Variants in NF1 observed in about 807,000 individuals in gnomAD.
NF1 encodes the protein neurofibromin.
NF1 carries 122 observed loss-of-function variants against 325.7 expected under a neutral mutation model. The observed-to-expected ratio is 0.37, with a 90% CI of 0.32 to 0.44. NF1 has a LOEUF of 0.44. Among genes scored for constraint, NF1 ranks in the 20% least tolerant of loss-of-function variants. The pLI is 1.00. For synonymous variants in NF1, 1,091 were observed against 1,186.0 expected (o/e 0.92, Z 1.65); for missense variants, 2,140 against 3,415.4 (o/e 0.63, Z 9.31).
At chr17:31,240,574 C>T (rs996276294) in intron 29 of NF1, among the ~76,000 whole-genome samples, 12 of 152,098 alleles carry the variant, frequency 7.9e-5, no homozygotes, top group African/African-American at 2.7e-4. Flanking sequence ...ATACTGATTT[C>T]CTTTTGTTTC....
At position 31,236,067 on chromosome 17, in the gene NF1, T is replaced by TG. The variant is rs56874702; in HGVS notation, c.3974+46_3974+47insG. ...GAACCGCTGTTTTTTGTTTTTTTTT[T>TG]TTTGTTTGTTTGTTTTACTAACACT... On this transcript the variant is annotated intron_variant, in intron 29 of 57. Transcript: ENST00000358273. The TG allele has an allele frequency of 0.34, 497,090 of 1,463,636 alleles. 95,355 individuals carry two copies. Among genetic ancestry groups the TG allele is most frequent in the African/African-American group, 0.81 (57,134 of 70,884 alleles). 90.7% of individuals were successfully genotyped at this position (1,463,636 alleles called of 1,614,324 possible). A position where few individuals can be genotyped will look rare whatever the true frequency, so the allele number is the denominator to read the frequency against.
chr17:31,198,590 C>A (rs144736825), intron 8 of NF1, among the ~76,000 whole-genome samples: 5 of 151,584 alleles, frequency 3.3e-5, no homozygotes, highest in African/African-American at 1.2e-4. Context: ...TTTGCAAAAT[C>A]AGTAGTGTCA....
intron 36 of NF1, among the ~76,000 whole-genome samples, chr17:31,307,450 G>A (rs9903754): frequency 0.48 from 73,427 of 152,108 alleles, 22,207 homozygotes; most frequent in African/African-American, 0.86. Flanking sequence ...AACTAATTAA[G>A]TTTCCAGCCA....
chr17:31,254,581 A>C (rs1005105355), intron 31 of NF1, among the ~76,000 whole-genome samples: 1 of 151,794 alleles, frequency 6.6e-6, no homozygotes, highest in African/African-American at 2.4e-5. Flanking sequence ...TGCTTCTAAC[A>C]CTCTTGTTCA....
Position 31,350,177 on chromosome 17 carries a change from T to C in NF1, c.7322-6T>C, listed in dbSNP as rs2151574212. ...ATTTTTTAACCTGCCACCGTTTTCC[T>C]TTTAGCTTTACTTACAGTGTCTGAA... On this transcript the variant is annotated splice_polypyrimidine_tract_variant and splice_region_variant and intron_variant, in intron 49 of 57. Coordinates refer to ENST00000358273, the MANE Select transcript of NF1 (RefSeq NM_001042492.3). The C allele has an allele frequency of 6.2e-7, 1 of 1,613,936 alleles. No individual in the cohort carries two copies. The highest frequency in any genetic ancestry group is 8.5e-7 in the Non-Finnish European group (1 of 1,179,842).
chr17:31,343,260 C>G lies in NF1; in HGVS notation c.7189+125C>G, dbSNP rs992121594. The G allele has an allele frequency of 7.4e-6, 7 of 943,314 alleles. No individual in the cohort carries two copies. The Admixed American group carries it at 1.3e-4, about 17-fold the overall frequency. The allele number at this position is 943,314 out of a possible 1,614,324, so 58.4% of individuals were successfully genotyped here. On this transcript the variant is annotated intron_variant, in intron 48 of 57. Transcript: ENST00000358273. ...CCTTATGTCTTACTTTAAATGCAAA[C>G]TAGGCCAGGCGTGGTGGCTCACGTC... is the stretch of plus-strand genomic sequence containing the variant.
chr17:31,101,985 T>A (rs866034409), intron 1 of NF1, among the ~76,000 whole-genome samples: 1 of 152,242 alleles, frequency 6.6e-6, no homozygotes, highest in Non-Finnish European at 1.5e-5. Context: ...ATTGATGGAA[T>A]GTTTTTCATA....
chr17:31,345,853 T>G, intron 48 of NF1: 3 of 1,612,200 alleles, frequency 1.9e-6, no homozygotes, highest in East Asian at 2.2e-5. Context: ...GTGATCAGTT[T>G]GAATATTCCA....
chr17:31,144,566 C>T (rs1916457404), intron 1 of NF1, among the ~76,000 whole-genome samples: 1 of 152,186 alleles, frequency 6.6e-6, no homozygotes, highest in Non-Finnish European at 1.5e-5. Flanking sequence ...GAATCCCTTC[C>T]ATTATGGCTT....
intron 36 of NF1, chr17:31,318,364 G>T (rs2069080795): frequency 1.9e-6 from 3 of 1,613,762 alleles, no homozygotes; most frequent in Non-Finnish European, 2.5e-6. Flanking sequence ...TTCCCTTGTA[G>T]CTGTGAGCAC....
chr17:31,151,277 A>G (rs1481299008), intron 1 of NF1, among the ~76,000 whole-genome samples: 1 of 152,134 alleles, frequency 6.6e-6, no homozygotes, highest in African/African-American at 2.4e-5. Context: ...AGGCTATACT[A>G]TCTAGGATTG....
intron 50 of NF1, among the ~76,000 whole-genome samples, chr17:31,351,439 CAG>C (rs2070141403): frequency 6.6e-6 from 1 of 151,906 alleles, no homozygotes; most frequent in East Asian, 1.9e-4. Context: ...TTTTTTGAGA[CAG>C]AGTCTTGCTC....
Position 31,320,452 on chromosome 17 carries a change from C to T in NF1, c.4836-5368C>T, listed in dbSNP as rs548176503. On this transcript the variant is annotated intron_variant, in intron 36 of 57. Coordinates refer to ENST00000358273, the MANE Select transcript of NF1 (RefSeq NM_001042492.3). Reference sequence around the variant, plus strand: ...AACATGGATGCCACTGCTAGTCAGGCTTTTGAACATCAAGGTTTTATAAGA... The same window carrying T: ...AACATGGATGCCACTGCTAGTCAGGTTTTTGAACATCAAGGTTTTATAAGA... The T allele has an allele frequency of 2.1e-4, 332 of 1,606,522 alleles. 5 individuals carry two copies. The South Asian group carries it at 3.4e-3, about 17-fold the overall frequency.
At chr17:31,362,858 A>T (rs897330223) in intron 57 of NF1, among the ~76,000 whole-genome samples, 1 of 152,204 alleles carries the variant, frequency 6.6e-6, no homozygotes, top group Non-Finnish European at 1.5e-5. Flanking sequence ...GAACCATTAC[A>T]GGTTTCTCTG....
chr17:31,196,989 A>G (rs2066444335), intron 8 of NF1, among the ~76,000 whole-genome samples: 1 of 151,994 alleles, frequency 6.6e-6, no homozygotes, highest in Admixed American at 6.6e-5. Context: ...TTCTTTTTCA[A>G]GATAGTTTTG....
intron 36 of NF1, among the ~76,000 whole-genome samples, chr17:31,312,807 C>G (rs907342136): frequency 3.3e-5 from 5 of 152,004 alleles, no homozygotes; most frequent in South Asian, 2.1e-4. Context: ...GGGATATCAC[C>G]CACTATGAAC....
chr17:31,253,090 A>G (rs2067522920), intron 31 of NF1, 90 bp downstream of exon 31: 8 of 989,606 alleles, frequency 8.1e-6, no homozygotes, highest in South Asian at 1.4e-5. Context: ...ACTTCAGCCT[A>G]TTTGACCTTC....
At chr17:31,194,022 C>A (rs1379589310) in intron 8 of NF1, among the ~76,000 whole-genome samples, 1 of 152,098 alleles carries the variant, frequency 6.6e-6, no homozygotes, top group Non-Finnish European at 1.5e-5. Context: ...TGTGATCCAA[C>A]AATTCATTAC....
intron 36 of NF1, chr17:31,304,709 A>T (rs1041865108): frequency 6.2e-7 from 1 of 1,614,174 alleles, no homozygotes. Context: ...GGGTTGTTGG[A>T]GTCTTCAATG....
Sources: gnomAD v4.1 joint callset for allele counts (sites outside exome capture counted in the v4.1 genomes callset) on GRCh38, gnomAD v4.1.1 for gene constraint, MANE v1.5 for transcripts, NCBI Gene and HGNC (gene_info 2026-07-23, HGNC 2026-07-21) for gene names.